RIT2: variants seen among roughly 807,000 people sequenced by gnomAD.
RIT2 encodes the protein Ras like without CAAX 2.
A neutral mutation model predicts 23.7 loss-of-function variants in RIT2; 24 were observed. The ratio of observed to expected loss-of-function variants is 1.01; its 90% CI spans 0.73 to 1.43. The LOEUF (loss-of-function observed/expected upper bound fraction) is 1.43, where lower values mean the gene tolerates loss of function less well. Ranked by LOEUF, RIT2 falls within the 40% of genes most tolerant of loss-of-function variation. The probability of loss-of-function intolerance (pLI) is 0.00; values close to 1 mark genes in which losing one functional copy is unlikely to be tolerated. For synonymous variants in RIT2, 107 were observed against 91.1 expected (o/e 1.17, Z -0.99); for missense variants, 236 against 266.9 (o/e 0.88, Z 0.81).
intron 4 of RIT2, among the ~76,000 whole-genome samples, chr18:42,816,647 A>G (rs1906006712): frequency 6.6e-6 from 1 of 152,188 alleles, no homozygotes; most frequent in Admixed American, 6.5e-5. Flanking sequence ...CCCACATAAT[A>G]ACACAATGTA....
chr18:42,906,463 G>T (rs1222643095), intron 4 of RIT2, among the ~76,000 whole-genome samples: 1 of 152,032 alleles, frequency 6.6e-6, no homozygotes, highest in Non-Finnish European at 1.5e-5. Flanking sequence ...CAATAAAAGG[G>T]TCTTTTTTTC....
intron 2 of RIT2, among the ~76,000 whole-genome samples, chr18:43,002,999 G>C (rs1911143713): frequency 6.6e-6 from 1 of 151,824 alleles, no homozygotes; most frequent in South Asian, 2.1e-4. Context: ...CTGAAGATAG[G>C]GGGCAGGTAG....
intron 2 of RIT2, among the ~76,000 whole-genome samples, chr18:42,976,319 A>G (rs1431695066): frequency 6.6e-6 from 1 of 152,126 alleles, no homozygotes; most frequent in Non-Finnish European, 1.5e-5. Flanking sequence ...TGGAACAACA[A>G]CAATAAAAAC....
intron 4 of RIT2, among the ~76,000 whole-genome samples, chr18:42,882,742 G>C (rs1343885271): frequency 1.3e-5 from 2 of 152,164 alleles, no homozygotes; most frequent in Non-Finnish European, 2.9e-5. Flanking sequence ...GTCTTCTCCA[G>C]AAGAGGACCA....
chr18:42,973,396 AAT>A (rs1305373235), intron 3 of RIT2, among the ~76,000 whole-genome samples: 2 of 151,824 alleles, frequency 1.3e-5, no homozygotes, highest in Non-Finnish European at 2.9e-5. Flanking sequence ...TCTAGCACTT[AAT>A]ATATGAGTTT....
intron 4 of RIT2, among the ~76,000 whole-genome samples, chr18:42,782,478 A>G (rs1418074049): frequency 6.6e-6 from 1 of 152,136 alleles, no homozygotes; most frequent in African/African-American, 2.4e-5. Context: ...CTGGCTAGCA[A>G]GATGATTGAT....
intron 4 of RIT2, among the ~76,000 whole-genome samples, chr18:42,806,015 T>C (rs1905672403): frequency 6.6e-6 from 1 of 151,432 alleles, no homozygotes; most frequent in African/African-American, 2.4e-5. Context: ...TTGCACTTCA[T>C]GTCACAAAAG....
At chr18:43,097,908 A>T (rs1409803098) in intron 1 of RIT2, among the ~76,000 whole-genome samples, 1 of 151,970 alleles carries the variant, frequency 6.6e-6, no homozygotes, top group Non-Finnish European at 1.5e-5. Context: ...CAGCAAATTA[A>T]ACACAAATGG....
chr18:42,777,855 G>A (rs957944251), intron 4 of RIT2, among the ~76,000 whole-genome samples: 2 of 152,084 alleles, frequency 1.3e-5, no homozygotes, highest in African/African-American at 4.8e-5. Flanking sequence ...TTTTTAGCCA[G>A]CATAAACCAC....
At chr18:42,907,531 C>T (rs1483064463) in intron 4 of RIT2, among the ~76,000 whole-genome samples, 3 of 152,120 alleles carry the variant, frequency 2.0e-5, no homozygotes, top group African/African-American at 7.2e-5. Context: ...AAACAGAAAA[C>T]ATAAATAGGA....
At chr18:43,011,940 A>T (rs1457911375) in intron 2 of RIT2, among the ~76,000 whole-genome samples, 1 of 151,846 alleles carries the variant, frequency 6.6e-6, no homozygotes. Context: ...AAATTAAAAG[A>T]TTGCATAAAT....
rs200978998 is a variant in RIT2, at chr18:42,847,455, T to TA, written c.426+76116dup. Among the ~76,000 whole-genome samples the TA allele has an allele frequency of 2.0e-3, 309 of 151,230 alleles. 2 individuals are homozygous for TA. The highest frequency in any genetic ancestry group is 6.6e-3 in the African/African-American group (273 of 41,248). ...AGACTCCAAGGGAAGTCATTTTATT[T>TA]AAAAAAAAATAATAAAAGTAGCAAA... On this transcript the variant is annotated intron_variant, in intron 4 of 4. Transcript: ENST00000326695.
intron 4 of RIT2, among the ~76,000 whole-genome samples, chr18:42,795,495 C>T (rs1418663765): frequency 6.6e-6 from 1 of 152,248 alleles, no homozygotes; most frequent in Non-Finnish European, 1.5e-5. Flanking sequence ...ACCGGCAGCC[C>T]GCCATGCTTG....
At chr18:42,831,428 G>C (rs1000744402) in intron 4 of RIT2, among the ~76,000 whole-genome samples, 6 of 152,094 alleles carry the variant, frequency 3.9e-5, no homozygotes, top group African/African-American at 1.4e-4. Flanking sequence ...TTGTGGCTAA[G>C]AATCTTTTTC....
rs180726495 is a variant in RIT2, at chr18:43,036,550, C to A, written c.104-2683G>T. Among the ~76,000 whole-genome samples, 405 of 152,022 alleles carry A rather than the reference C, an allele frequency of 2.7e-3. 3 individuals carry two copies. Among genetic ancestry groups the A allele is most frequent in the African/African-American group, 9.1e-3 (377 of 41,480 alleles). On this transcript the variant is annotated intron_variant, in intron 1 of 4. Coordinates refer to ENST00000326695, the MANE Select transcript of RIT2 (RefSeq NM_002930.4). ...GCCAGACTCCATCCCCCGCTACCTC[C>A]CCCCGCCAGCCTGCCCCGCAAAAAC...
intron 4 of RIT2, among the ~76,000 whole-genome samples, chr18:42,825,473 C>A (rs1598669977): frequency 6.6e-6 from 1 of 151,534 alleles, no homozygotes; most frequent in Non-Finnish European, 1.5e-5. Context: ...CATAATGTCC[C>A]CCAAAACATC....
intron 2 of RIT2, among the ~76,000 whole-genome samples, chr18:42,992,335 T>G (rs1910871410): frequency 6.6e-6 from 1 of 152,132 alleles, no homozygotes; most frequent in Non-Finnish European, 1.5e-5. Context: ...AAGATCTAAA[T>G]AATTCTTGTC....
chr18:42,765,900 G>C (rs532281430), intron 4 of RIT2, among the ~76,000 whole-genome samples: 1 of 152,150 alleles, frequency 6.6e-6, no homozygotes, highest in Admixed American at 6.6e-5. Flanking sequence ...AGTCTCATGA[G>C]ATCTAGTGGG....
At chr18:42,828,003 CAAAAAAAAAAAA>C (rs200737336) in intron 4 of RIT2, among the ~76,000 whole-genome samples, 10 of 51,752 alleles carry the variant, frequency 1.9e-4, no homozygotes, top group East Asian at 4.1e-4. Context: ...GACTCCGTCT[CAAAAAAAAAAAA>C]AAAAAAAAAA....
Sources: gnomAD v4.1 joint callset for allele counts (sites outside exome capture counted in the v4.1 genomes callset) on GRCh38, gnomAD v4.1.1 for gene constraint, MANE v1.5 for transcripts, NCBI Gene and HGNC (gene_info 2026-07-23, HGNC 2026-07-21) for gene names.